Variants in AFTPH observed in about 807,000 individuals in gnomAD.
AFTPH encodes the protein aftiphilin protein.
Under a neutral mutation model 72.5 loss-of-function variants are expected in AFTPH, and 7 were observed. The observed-to-expected ratio is 0.10, with a 90% CI of 0.05 to 0.18. AFTPH has a LOEUF of 0.18. Ranked by LOEUF, AFTPH falls within the 10% of genes least tolerant of loss-of-function variation. The pLI is 1.00. For missense variants in AFTPH, 979 were observed against 1,060.5 expected, an observed-to-expected ratio of 0.92 and a Z score of 1.07; for synonymous variants, 337 against 370.1, an observed-to-expected ratio of 0.91 and a Z score of 1.03.
chr2:64,576,120 TGTGTCATACAAATGA>T (rs1439777828), intron 6 of AFTPH, among the ~76,000 whole-genome samples: 20 of 131,174 alleles, frequency 1.5e-4, no homozygotes, highest in African/African-American at 6.7e-4. Context: ...CACACACACG[TGTGTCATACAAATGA>T]AATACGTGTG....
At chr2:64,558,732 G>T (rs1402811969) in intron 2 of AFTPH, among the ~76,000 whole-genome samples, 1 of 152,158 alleles carries the variant, frequency 6.6e-6, no homozygotes, top group Non-Finnish European at 1.5e-5. Context: ...TAGACTTCAC[G>T]AATGTTTACT....
At chr2:64,543,529 C>G (rs920879551) in intron 1 of AFTPH, among the ~76,000 whole-genome samples, 1 of 152,192 alleles carries the variant, frequency 6.6e-6, no homozygotes, top group African/African-American at 2.4e-5. Flanking sequence ...GGCCCATGAA[C>G]TATCTGGAGC....
exon 2 of AFTPH, chr2:64,552,782 T>G: frequency 6.2e-7 from 1 of 1,614,220 alleles, no homozygotes; most frequent in Non-Finnish European, 8.5e-7. Flanking sequence ...GTGATTTTGG[T>G]GACTTTGGCT....
chr2:64,536,642 A>AC (rs1357800099), intron 1 of AFTPH, among the ~76,000 whole-genome samples: 2 of 151,642 alleles, frequency 1.3e-5, no homozygotes, highest in Non-Finnish European at 2.9e-5. Context: ...GGGATAGAAT[A>AC]TAAGTAGGAG....
intron 8 of AFTPH, among the ~76,000 whole-genome samples, chr2:64,587,886 G>A (rs1191718174): frequency 6.6e-6 from 1 of 152,178 alleles, no homozygotes; most frequent in East Asian, 1.9e-4. Flanking sequence ...ATTAGTGACA[G>A]CTAGTTAGTA....
chr2:64,554,149 T>C (rs1318210733), intron 2 of AFTPH, among the ~76,000 whole-genome samples: 2 of 152,172 alleles, frequency 1.3e-5, no homozygotes, highest in Non-Finnish European at 2.9e-5. Context: ...TCCTAGAGAG[T>C]AGGTGTGTCA....
chr2:64,577,419 A>G (rs1486578988), intron 6 of AFTPH, among the ~76,000 whole-genome samples: 1 of 152,168 alleles, frequency 6.6e-6, no homozygotes. Flanking sequence ...TCAAAATACC[A>G]TACCCCTGTT....
intron 5 of AFTPH, 125 bp from the exon 6 acceptor site, chr2:64,572,821 A>G (rs1252584352): frequency 2.4e-6 from 3 of 1,228,964 alleles, no homozygotes; most frequent in Non-Finnish European, 2.2e-6. Flanking sequence ...AAAAAAGACT[A>G]GTTCCTTTTT....
intron 8 of AFTPH, among the ~76,000 whole-genome samples, chr2:64,588,431 T>C (rs1673634845): frequency 6.6e-6 from 1 of 152,242 alleles, no homozygotes; most frequent in Non-Finnish European, 1.5e-5. Flanking sequence ...TGTGGACAGA[T>C]GTTTCCAACT....
At chr2:64,559,538 A>C (rs1479216848) in intron 2 of AFTPH, among the ~76,000 whole-genome samples, 1 of 152,156 alleles carries the variant, frequency 6.6e-6, no homozygotes, top group Non-Finnish European at 1.5e-5. Flanking sequence ...CCAACTCAAA[A>C]TCAGGCAGAA....
At chr2:64,553,438 G>T (rs376810647) in intron 2 of AFTPH, 29 bp downstream of exon 2, 3 of 1,527,088 alleles carry the variant, frequency 2.0e-6, no homozygotes, top group Non-Finnish European at 2.6e-6. Flanking sequence ...TATTTTGTAT[G>T]ATGTATTAAT....
chr2:64,565,853 C>CT (rs1396422332), intron 2 of AFTPH, among the ~76,000 whole-genome samples: 1 of 152,144 alleles, frequency 6.6e-6, no homozygotes, highest in Non-Finnish European at 1.5e-5. Flanking sequence ...AACTTACATC[C>CT]TTTTTTGCCT....
chr2:64,581,169 A>C, intron 7 of AFTPH, 21 bp from the exon 8 acceptor site: 10 of 1,573,426 alleles, frequency 6.4e-6, no homozygotes, highest in Non-Finnish European at 8.6e-6. Context: ...CTGCCTACCA[A>C]CACGGTCACT....
intron 6 of AFTPH, among the ~76,000 whole-genome samples, chr2:64,576,254 C>T (rs1381352628): frequency 2.0e-5 from 3 of 151,020 alleles, no homozygotes; most frequent in Non-Finnish European, 4.4e-5. Flanking sequence ...CAGGAAGTTA[C>T]ATCTTCCTAC....
chr2:64,557,578 C>G (rs1329303460), intron 2 of AFTPH, among the ~76,000 whole-genome samples: 1 of 152,196 alleles, frequency 6.6e-6, no homozygotes. Context: ...CTCCTGAGTT[C>G]AAGCGAGTCT....
intron 7 of AFTPH, chr2:64,581,249 T>C (rs761924597): frequency 3.8e-6 from 6 of 1,599,636 alleles, no homozygotes; most frequent in Non-Finnish European, 5.1e-6. Context: ...TGACAGTAGC[T>C]CTAGCAGCAG....
chr2:64,526,713 T>C (rs1227730937), intron 1 of AFTPH, among the ~76,000 whole-genome samples: 2 of 152,238 alleles, frequency 1.3e-5, no homozygotes, highest in South Asian at 2.1e-4. Context: ...ATATCAGATA[T>C]AGTCACAAGT....
At chr2:64,551,807 C>A (rs144339690) in exon 2 of AFTPH, 161 of 1,613,384 alleles carry the variant, frequency 1.0e-4, no homozygotes, top group Non-Finnish European at 1.3e-4. Flanking sequence ...TTTCTACCAC[C>A]AGCAAAGAAA....
chr2:64,567,427 C>T, intron 2 of AFTPH, 135 bp from the exon 3 acceptor site: 1 of 824,316 alleles, frequency 1.2e-6, no homozygotes. Flanking sequence ...GTTCTTTTCA[C>T]TCAGTGTTTT....
Sources: allele counts gnomAD v4.1 joint callset (sites outside exome capture counted in the v4.1 genomes callset), GRCh38; gene constraint gnomAD v4.1.1; transcripts MANE v1.5; gene names NCBI Gene and HGNC (gene_info 2026-07-23, HGNC 2026-07-21).